The following BIRC6 variants were observed in gnomAD, a reference collection of about 807,000 sequenced individuals.
The protein encoded by BIRC6 is baculoviral IAP repeat containing 6.
A neutral mutation model predicts 503.3 loss-of-function variants in BIRC6; 98 were observed. The ratio of observed to expected loss-of-function variants is 0.19; its 90% CI spans 0.17 to 0.23. The LOEUF is 0.23. Among genes scored for constraint, BIRC6 ranks in the 10% least tolerant of loss-of-function variants. BIRC6 has a pLI of 1.00. For missense variants in BIRC6, 5,360 were observed against 5,806.0 expected (o/e 0.92, Z 2.50); for synonymous variants, 2,240 against 2,078.7 (o/e 1.08, Z -2.11).
chr2:32,430,602 T>G (rs1472290325), intron 11 of BIRC6, among the ~76,000 whole-genome samples: 1 of 152,180 alleles, frequency 6.6e-6, no homozygotes, highest in Non-Finnish European at 1.5e-5. Context: ...TCTAACAGGT[T>G]GGGTTTGGGT....
rs1403137606 is a variant in BIRC6, at chr2:32,463,390, C to CCTGTTT, written c.4941+9_4941+10insCTGTTT. 1 of 1,588,470 alleles carries CCTGTTT rather than the reference C, an allele frequency of 6.3e-7. No individual in the cohort carries two copies. The highest frequency in any genetic ancestry group is 2.3e-5 in the East Asian group (1 of 44,144). Reference sequence around the variant, plus strand: ...TGAAGCTTCAGCAACAGGTTGGAGACTATTTGGCTCTTTGTTCATGCTGTC... The same window carrying CCTGTTT: ...TGAAGCTTCAGCAACAGGTTGGAGACCTGTTTTATTTGGCTCTTTGTTCATGCTGTC... On this transcript the variant is annotated intron_variant, in intron 24 of 73. Coordinates refer to ENST00000421745, the MANE Select transcript of BIRC6 (RefSeq NM_016252.4).
chr2:32,448,520 G>C (rs1349109928), intron 21 of BIRC6, among the ~76,000 whole-genome samples: 1 of 152,210 alleles, frequency 6.6e-6, no homozygotes, highest in African/African-American at 2.4e-5. Context: ...GCGTGGCGAC[G>C]CGCGCCTGCA....
chr2:32,500,407 C>T (rs564503227), intron 46 of BIRC6, among the ~76,000 whole-genome samples: 48 of 146,284 alleles, frequency 3.3e-4, no homozygotes, highest in East Asian at 2.8e-3. Context: ...GTGCCTGCCA[C>T]CACACCCAGC....
intron 67 of BIRC6, 65 bp downstream of exon 67, chr2:32,594,125 A>G: frequency 6.6e-7 from 1 of 1,507,722 alleles, no homozygotes; most frequent in Non-Finnish European, 9.0e-7. Flanking sequence ...TACTTACTGA[A>G]ACCTGCCTTT....
chr2:32,579,654 A>G (rs1222102993), intron 66 of BIRC6, among the ~76,000 whole-genome samples: 1 of 152,188 alleles, frequency 6.6e-6, no homozygotes. Flanking sequence ...TTACCACTGC[A>G]TTCTATCCTG....
rs144423350 is a variant in BIRC6 at position 32,362,305 on chromosome 2, A to G, written c.325+4819A>G. ...CTTATTTGTCTCTTTTTATATGTTT[A>G]TTTGCTGACTTTGTTTTTTTTTTTT... On this transcript the variant is annotated intron_variant, in intron 1 of 73. Coordinates refer to ENST00000421745, the MANE Select transcript of BIRC6 (RefSeq NM_016252.4). Among the ~76,000 whole-genome samples the G allele has an allele frequency of 9.1e-3, 1,310 of 143,914 alleles. 16 individuals carry two copies. Among genetic ancestry groups the G allele is most frequent in the Non-Finnish European group, 0.012 (756 of 65,678 alleles). The allele number at this position is 143,914 out of a possible 152,430, so 94.4% of individuals were successfully genotyped here.
chr2:32,552,647 T>C (rs902074547), intron 65 of BIRC6, among the ~76,000 whole-genome samples: 9 of 152,270 alleles, frequency 5.9e-5, no homozygotes, highest in Admixed American at 3.3e-4. Flanking sequence ...AGGCACTGAT[T>C]ATGTTTAGTG....
At chr2:32,517,564 A>G (rs1322249058) in intron 55 of BIRC6, among the ~76,000 whole-genome samples, 3 of 152,006 alleles carry the variant, frequency 2.0e-5, no homozygotes, top group African/African-American at 7.2e-5. Context: ...TTTCTTAGTA[A>G]GGCTTTATAT....
At chr2:32,585,852 G>A in intron 66 of BIRC6, among the ~76,000 whole-genome samples, 1 of 152,236 alleles carries the variant, frequency 6.6e-6, no homozygotes, top group Admixed American at 6.5e-5. Context: ...TTTTATGTAG[G>A]ATTTATAGTT....
intron 57 of BIRC6, chr2:32,523,262 T>G (rs1322645153): frequency 6.6e-6 from 1 of 152,156 alleles, no homozygotes; most frequent in Non-Finnish European, 1.5e-5. Flanking sequence ...AACCAGAGCA[T>G]TTTTAAAAGG....
At chr2:32,535,135 A>C (rs2057111124) in intron 61 of BIRC6, among the ~76,000 whole-genome samples, 1 of 136,192 alleles carries the variant, frequency 7.3e-6, no homozygotes, top group South Asian at 2.3e-4. Context: ...ACAAGACCTC[A>C]TACCCCCAAA....
chr2:32,518,071 A>G (rs536357664), intron 55 of BIRC6, among the ~76,000 whole-genome samples, 183 bp from the exon 56 acceptor site: 2 of 151,204 alleles, frequency 1.3e-5, no homozygotes, highest in South Asian at 4.2e-4. Context: ...AGATAAAATC[A>G]TTTCTTTCCT....
intron 1 of BIRC6, among the ~76,000 whole-genome samples, chr2:32,363,638 G>A (rs947897631): frequency 1.3e-5 from 2 of 152,130 alleles, no homozygotes; most frequent in Admixed American, 1.3e-4. Flanking sequence ...TGTGGAGAGA[G>A]CATGCGCTTT....
intron 61 of BIRC6, among the ~76,000 whole-genome samples, chr2:32,535,864 C>T (rs1020821218): frequency 3.3e-5 from 5 of 152,178 alleles, no homozygotes; most frequent in African/African-American, 1.2e-4. Context: ...AGTTCTAGAT[C>T]CCTGAGGAAT....
At chr2:32,506,662 G>T (rs564465250) in intron 50 of BIRC6, among the ~76,000 whole-genome samples, 2 of 152,202 alleles carry the variant, frequency 1.3e-5, no homozygotes, top group South Asian at 2.1e-4. Flanking sequence ...AAATTAATTG[G>T]TTTAGGTGTT....
chr2:32,532,890 G>A (rs2056898930), intron 61 of BIRC6, among the ~76,000 whole-genome samples: 1 of 152,198 alleles, frequency 6.6e-6, no homozygotes, highest in African/African-American at 2.4e-5. Flanking sequence ...AACTGGAAAT[G>A]GGGTCCTGGT....
intron 57 of BIRC6, among the ~76,000 whole-genome samples, chr2:32,520,435 C>G (rs2055529346): frequency 6.6e-6 from 1 of 152,086 alleles, no homozygotes; most frequent in African/African-American, 2.4e-5. Flanking sequence ...TACAGAGAAA[C>G]TTTTTTGAAA....
intron 10 of BIRC6, among the ~76,000 whole-genome samples, chr2:32,425,900 G>T (rs1413179558): frequency 6.6e-6 from 1 of 152,252 alleles, no homozygotes; most frequent in East Asian, 1.9e-4. Context: ...GCTGCTTCCA[G>T]CACATGTGCC....
intron 72 of BIRC6, among the ~76,000 whole-genome samples, chr2:32,610,215 T>A (rs1172179228): frequency 6.6e-6 from 1 of 152,190 alleles, no homozygotes; most frequent in Non-Finnish European, 1.5e-5. Context: ...TTTGATTGTC[T>A]GTTCTTTAGG....
Sources: allele counts gnomAD v4.1 joint callset (sites outside exome capture counted in the v4.1 genomes callset), GRCh38; gene constraint gnomAD v4.1.1; transcripts MANE v1.5; gene names NCBI Gene and HGNC (gene_info 2026-07-23, HGNC 2026-07-21).